The following ASAP2 variants were observed in gnomAD, a reference collection of about 807,000 sequenced individuals.
The protein encoded by ASAP2 is arf-GAP with SH3 domain, ANK repeat and PH domain-containing protein 2.
Under a neutral mutation model 131.4 loss-of-function variants are expected in ASAP2, and 45 were observed. The observed-to-expected ratio is 0.34, with a 90% CI of 0.27 to 0.44. The LOEUF is 0.44. Ranked by LOEUF, ASAP2 falls within the 20% of genes least tolerant of loss-of-function variation. The pLI is 1.00. For synonymous variants in ASAP2, 510 were observed against 503.0 expected (o/e 1.01, Z -0.19); for missense variants, 1,011 against 1,297.0 (o/e 0.78, Z 3.39).
Position 9,254,800 on chromosome 2 carries a change from G to A in ASAP2, c.127-24517G>A, listed in dbSNP as rs148667240. On this transcript the variant is annotated intron_variant, in intron 1 of 27. Coordinates refer to ENST00000281419, the MANE Select transcript of ASAP2 (RefSeq NM_003887.3). ...GGAATGTATTCCCTGAAGATAAGCG[G>A]TACTACTTGTTATCAGTTCACCAAG... is the stretch of plus-strand genomic sequence containing the variant. 3.4e-3 allele frequency among the ~76,000 whole-genome samples: 511 copies of A among 152,174 alleles called. 5 individuals carry two copies. The highest frequency in any genetic ancestry group is 0.012 in the African/African-American group (478 of 41,530).
At chr2:9,356,735 T>C (rs189940951) in intron 14 of ASAP2, among the ~76,000 whole-genome samples, 98 of 152,318 alleles carry the variant, frequency 6.4e-4, no homozygotes, top group Non-Finnish European at 1.1e-3. Context: ...TTTGCAGAAC[T>C]TCTGAAGTAG....
At chr2:9,347,874 A>C in intron 11 of ASAP2, among the ~76,000 whole-genome samples, 1 of 152,182 alleles carries the variant, frequency 6.6e-6, no homozygotes, top group Non-Finnish European at 1.5e-5. Flanking sequence ...AGAAGAAAAC[A>C]CCTTCCTTCT....
intron 1 of ASAP2, among the ~76,000 whole-genome samples, chr2:9,264,728 G>T (rs759262472): frequency 3.9e-5 from 6 of 151,978 alleles, no homozygotes; most frequent in Non-Finnish European, 8.8e-5. Flanking sequence ...TTCTCCCTGT[G>T]TACCATTGGC....
intron 1 of ASAP2, among the ~76,000 whole-genome samples, chr2:9,260,198 G>A (rs1347873050): frequency 1.3e-5 from 2 of 152,214 alleles, no homozygotes; most frequent in Non-Finnish European, 2.9e-5. Context: ...GAACACTGAG[G>A]CCCAGGTGAT....
intron 1 of ASAP2, among the ~76,000 whole-genome samples, chr2:9,244,034 T>G (rs567574092): frequency 1.3e-5 from 2 of 152,154 alleles, no homozygotes; most frequent in Non-Finnish European, 2.9e-5. Flanking sequence ...GCACGTTGGC[T>G]CATAACGATA....
At chr2:9,215,526 A>G (rs183692167) in intron 1 of ASAP2, among the ~76,000 whole-genome samples, 2 of 152,246 alleles carry the variant, frequency 1.3e-5, no homozygotes, top group East Asian at 1.9e-4. Context: ...TGTTGCTTAC[A>G]TTTGTAATTG....
chr2:9,217,899 C>T lies in ASAP2; in HGVS notation c.126+10669C>T. Among the ~76,000 whole-genome samples, 1 of 144,636 alleles carries T rather than the reference C, an allele frequency of 6.9e-6. No homozygotes were observed. Among genetic ancestry groups the T allele is most frequent in the Non-Finnish European group, 1.5e-5 (1 of 66,732 alleles). 94.9% of individuals were successfully genotyped at this position (144,636 alleles called of 152,430 possible). On this transcript the variant is annotated intron_variant, in intron 1 of 27. Transcript: ENST00000281419. The surrounding 1 kb of genome is among the most constrained non-coding windows in gnomAD (Gnocchi z 4.0). ...AAAGTGCTGGGATTACAGGTGTGAG[C>T]CACCACGCCTGGCTTTTTTTTTTTT...
intron 1 of ASAP2, among the ~76,000 whole-genome samples, chr2:9,239,246 G>A (rs975900789): frequency 8.5e-5 from 13 of 152,238 alleles, no homozygotes; most frequent in African/African-American, 3.1e-4. Context: ...TGGTGTGGAA[G>A]CCTTATGTGT....
chr2:9,308,260 G>A (rs1224511739), intron 3 of ASAP2, among the ~76,000 whole-genome samples: 1 of 152,218 alleles, frequency 6.6e-6, no homozygotes, highest in Non-Finnish European at 1.5e-5. Flanking sequence ...ATGGCAGAAG[G>A]TGAAGGGGGA....
intron 1 of ASAP2, among the ~76,000 whole-genome samples, chr2:9,237,600 G>T (rs576786584): frequency 6.6e-6 from 1 of 151,702 alleles, no homozygotes; most frequent in Non-Finnish European, 1.5e-5. Flanking sequence ...TTTATTTTTT[G>T]TAGAGATGAG....
At chr2:9,402,355 C>G (rs939024300) in intron 27 of ASAP2, among the ~76,000 whole-genome samples, 7 of 152,204 alleles carry the variant, frequency 4.6e-5, no homozygotes. Flanking sequence ...GTGGCCTGGG[C>G]GCGGTGGCTC....
rs1391726796 is a variant in ASAP2, at chr2:9,403,860, T to A, written c.*533T>A. ...AAAAAGCAACTTGGAAATTTACACA[T>A]TAGCATTGTACTTTCTAGCCCTAAT... On this transcript the variant is annotated 3_prime_UTR_variant, in exon 28 of 28. Coordinates refer to ENST00000281419, the MANE Select transcript of ASAP2 (RefSeq NM_003887.3). 6.4e-6 allele frequency: 1 copy of A among 155,422 alleles called. No individual in the cohort carries two copies. Among genetic ancestry groups the A allele is most frequent in the Non-Finnish European group, 1.4e-5 (1 of 70,210 alleles). The allele number at this position is 155,422 out of a possible 1,614,324, so 9.6% of individuals were successfully genotyped here.
At chr2:9,329,336 T>A (rs1670681777) in intron 7 of ASAP2, among the ~76,000 whole-genome samples, 1 of 152,198 alleles carries the variant, frequency 6.6e-6, no homozygotes. Flanking sequence ...AGAGGACCAT[T>A]TGTATGCACT....
intron 16 of ASAP2, among the ~76,000 whole-genome samples, chr2:9,369,316 G>T (rs1240510662): frequency 6.6e-6 from 1 of 152,182 alleles, no homozygotes. Context: ...ACCGTGCCTG[G>T]CCAGCGGAGA....
intron 12 of ASAP2, among the ~76,000 whole-genome samples, chr2:9,351,649 G>A (rs1328965842): frequency 6.6e-6 from 1 of 152,174 alleles, no homozygotes; most frequent in African/African-American, 2.4e-5. Flanking sequence ...TAGGAAGGCG[G>A]TGCTGTTCTC....
intron 1 of ASAP2, among the ~76,000 whole-genome samples, chr2:9,277,352 A>C (rs1359514137): frequency 4.6e-5 from 7 of 152,242 alleles, no homozygotes; most frequent in Admixed American, 4.6e-4. Context: ...TGAGACTGCA[A>C]GAGAAAGATA....
chr2:9,297,145 G>A (rs1015874723), intron 2 of ASAP2, among the ~76,000 whole-genome samples, 155 bp from the exon 3 acceptor site: 2 of 152,110 alleles, frequency 1.3e-5, no homozygotes, highest in Non-Finnish European at 2.9e-5. Context: ...GTTGTTGTTG[G>A]GATAACGAAG....
chr2:9,309,106 C>G (rs1558317264), intron 3 of ASAP2, among the ~76,000 whole-genome samples: 1 of 152,162 alleles, frequency 6.6e-6, no homozygotes, highest in Non-Finnish European at 1.5e-5. Flanking sequence ...CGCTCTGCTC[C>G]AAGACCACCT....
chr2:9,400,664 C>G (rs1676583816), intron 25 of ASAP2, 78 bp from the exon 26 acceptor site: 4 of 1,327,344 alleles, frequency 3.0e-6, no homozygotes, highest in African/African-American at 2.9e-5. Flanking sequence ...TCAGACACAC[C>G]CTGTGGCTTG....
Sources: gnomAD v4.1 joint callset for allele counts (sites outside exome capture counted in the v4.1 genomes callset) on GRCh38, gnomAD v4.1.1 for gene constraint, Gnocchi (gnomAD v3.1) non-coding constraint, MANE v1.5 for transcripts, NCBI Gene and HGNC (gene_info 2026-07-23, HGNC 2026-07-21) for gene names.